Variants in GJA8 observed in about 807,000 individuals in gnomAD.
GJA8 encodes gap junction alpha-8 protein.
In GJA8, 13 loss-of-function variants were observed where a neutral mutation model predicts 15.3. The observed-to-expected ratio is 0.85, with a 90% CI of 0.55 to 1.35. GJA8 has a LOEUF of 1.35. Ranked by LOEUF, GJA8 falls within the 40% of genes most tolerant of loss-of-function variation. The pLI is 0.00. For synonymous variants in GJA8, 304 were observed against 238.7 expected (o/e 1.27, Z -2.52); for missense variants, 607 against 553.3 (o/e 1.10, Z -0.97).
At chr1:147,904,369 A>G (rs1264016696) in intron 1 of GJA8, among the ~76,000 whole-genome samples, 1 of 152,190 alleles carries the variant, frequency 6.6e-6, no homozygotes, top group Non-Finnish European at 1.5e-5. Flanking sequence ...ACAGCTTGTT[A>G]TGAGGACTGA....
At chr1:147,903,683 C>T (rs1447595583) in intron 1 of GJA8, among the ~76,000 whole-genome samples, 1 of 152,164 alleles carries the variant, frequency 6.6e-6, no homozygotes, top group Non-Finnish European at 1.5e-5. Flanking sequence ...GCCAAGTTCA[C>T]TGGTTCTCAG....
downstream of GJA8, among the ~76,000 whole-genome samples, chr1:147,909,430 C>T (rs143590654): frequency 3.9e-5 from 6 of 152,260 alleles, no homozygotes; most frequent in African/African-American, 1.2e-4. Context: ...CAGTCTTTCC[C>T]ACATCCAGCA....
rs1651896418 is a variant in GJA8 at position 147,908,318 on chromosome 1, C to T, written c.363C>T (p.Asn121=). The T allele has an allele frequency of 1.2e-6, 2 of 1,614,170 alleles. No individual in the cohort carries two copies. Among genetic ancestry groups the T allele is most frequent in the East Asian group, 2.2e-5 (1 of 44,882 alleles). The change falls in exon 2 of 2, where the codon AAC becomes AAT. Residue 121 remains asparagine, a synonymous_variant. Coordinates refer to ENST00000369235, the MANE Select transcript of GJA8 (RefSeq NM_005267.5). Reference sequence around the variant, plus strand: ...AGCTGGGCCAGCAGGCGGGGACTAACGGCGGCCCGGACCAGGGCAGCGTCA... The same window carrying T: ...AGCTGGGCCAGCAGGCGGGGACTAATGGCGGCCCGGACCAGGGCAGCGTCA... ...AEELGQQAGT[N]GGPDQGSVKK...
intron 1 of GJA8, among the ~76,000 whole-genome samples, 149 bp from the exon 2 acceptor site, chr1:147,907,796 G>A (rs1651856231): frequency 6.6e-6 from 1 of 152,156 alleles, no homozygotes. Context: ...GTCCTAGTCT[G>A]CACAAAGGAA....
chr1:147,907,248 G>A (rs1186983741), intron 1 of GJA8, among the ~76,000 whole-genome samples: 2 of 152,176 alleles, frequency 1.3e-5, no homozygotes, highest in Non-Finnish European at 2.9e-5. Context: ...TTCTCACTGT[G>A]TGCTGGGCTG....
downstream of GJA8, among the ~76,000 whole-genome samples, chr1:147,913,207 A>G (rs1652249089): frequency 6.6e-6 from 1 of 152,158 alleles, no homozygotes; most frequent in South Asian, 2.1e-4. Context: ...AAGCTCACTA[A>G]TTTGGAAATA....
Position 147,908,722 on chromosome 1 carries a change from C to G in GJA8, c.767C>G (p.Ala256Gly), listed in dbSNP as rs782360772. Residue 256 changes from alanine (A) to glycine (G), a missense_variant, in exon 2 of 2, where the codon GCT becomes GGT. By Grantham distance (60) the Ala-to-Gly change is moderately conservative. Transcript: ENST00000369235. Reference sequence around the variant, plus strand: ...CCTGAGAAATCCCTCCACTCCATTGCTGTCTCCTCCATCCAGAAAGCCAAG... The same window carrying G: ...CCTGAGAAATCCCTCCACTCCATTGGTGTCTCCTCCATCCAGAAAGCCAAG... ...EIPEKSLHSIAVSSIQKAKGY... is the reference protein window; with the variant it reads ...EIPEKSLHSIGVSSIQKAKGY... 9 of 1,614,020 alleles carry G rather than the reference C, an allele frequency of 5.6e-6. No individual in the cohort carries two copies. The South Asian group carries it at 8.8e-5, about 16-fold the overall frequency.
At chr1:147,907,314 A>G (rs1442730350) in intron 1 of GJA8, among the ~76,000 whole-genome samples, 3 of 152,246 alleles carry the variant, frequency 2.0e-5, no homozygotes, top group Non-Finnish European at 2.9e-5. Context: ...TCCTACCGTC[A>G]TGGAAATTAC....
At chr1:147,904,901 A>G (rs1651732010) in intron 1 of GJA8, among the ~76,000 whole-genome samples, 1 of 152,184 alleles carries the variant, frequency 6.6e-6, no homozygotes. Context: ...ATAGAAAGAC[A>G]TGGGCTTGTT....
chr1:147,909,582 G>T (rs1553243181), downstream of GJA8, among the ~76,000 whole-genome samples: 1 of 152,164 alleles, frequency 6.6e-6, no homozygotes, highest in Non-Finnish European at 1.5e-5. Flanking sequence ...CGGAATTGGG[G>T]TTGCCTCATA....
chr1:147,909,774 A>C (rs1553243224), downstream of GJA8, among the ~76,000 whole-genome samples: 1 of 152,212 alleles, frequency 6.6e-6, no homozygotes, highest in East Asian at 1.9e-4. Context: ...GGGCTGTGAA[A>C]GTTGGAAAGC....
downstream of GJA8, among the ~76,000 whole-genome samples, chr1:147,914,198 C>T (rs1553243815): frequency 6.6e-6 from 1 of 152,160 alleles, no homozygotes. Flanking sequence ...GGAAGTTCTA[C>T]AGAGCAGACA....
chr1:147,909,677 T>C (rs1336669021), downstream of GJA8, among the ~76,000 whole-genome samples: 2 of 152,106 alleles, frequency 1.3e-5, no homozygotes, highest in Non-Finnish European at 2.9e-5. Context: ...TGACCATATT[T>C]CAGGGATCCA....
downstream of GJA8, among the ~76,000 whole-genome samples, chr1:147,910,052 G>A (rs55767115): frequency 0.011 from 1,747 of 152,136 alleles, 33 homozygotes; most frequent in African/African-American, 0.039. Flanking sequence ...TACAGATGGC[G>A]TTTCACCATG....
intron 1 of GJA8, among the ~76,000 whole-genome samples, chr1:147,906,113 T>C (rs2149014240): frequency 6.6e-6 from 1 of 152,376 alleles, no homozygotes; most frequent in South Asian, 2.1e-4. Context: ...GGCTTTTGTG[T>C]TTAACAAATA....
At chr1:147,911,510 G>C (rs147928765), downstream of GJA8, among the ~76,000 whole-genome samples, 3,406 of 152,288 alleles carry the variant, frequency 0.022, 56 homozygotes, top group Non-Finnish European at 0.036. Flanking sequence ...ACCTTCAGTG[G>C]AGGGATGTTG....
At position 147,908,632 on chromosome 1, in the gene GJA8, A is replaced by C; in HGVS notation, c.677A>C (p.His226Pro). 9 of 1,614,066 alleles carry C rather than the reference A, an allele frequency of 5.6e-6. No homozygotes were observed. The highest frequency in any genetic ancestry group is 7.6e-6 in the Non-Finnish European group (9 of 1,180,012). ...SLFLNVMELG[H>P]LGLKGIRSAL... ...TTCCTCAACGTGATGGAGTTGGGCC[A>C]CCTGGGCCTGAAGGGGATCCGGTCT... Residue 226 changes from histidine to proline, a missense_variant, in exon 2 of 2, where the codon CAC (histidine) becomes CCC (proline). His to Pro is a moderately conservative substitution (Grantham distance 77). Coordinates refer to ENST00000369235, the MANE Select transcript of GJA8 (RefSeq NM_005267.5).
chr1:147,906,509 G>A (rs1651804497), intron 1 of GJA8, among the ~76,000 whole-genome samples: 1 of 152,190 alleles, frequency 6.6e-6, no homozygotes, highest in African/African-American at 2.4e-5. Context: ...ACAGCCATAT[G>A]TTACAGACCC....
Position 147,908,368 on chromosome 1 carries a change from C to T in GJA8, c.413C>T (p.Thr138Ile). Residue 138 changes from threonine (T) to isoleucine (I), a missense_variant, in exon 2 of 2, where the codon ACT becomes ATT. By Grantham distance (89) the Thr-to-Ile change is moderately conservative (BLOSUM62 -1). Transcript: ENST00000369235. The stretch of plus-strand genomic sequence containing the variant: ...AAGAAGAGCAGCGGCAGCAAAGGCA[C>T]TAAGAAGTTCCGGCTGGAGGGGACC... ...SVKKSSGSKG[T>I]KKFRLEGTLL... 6.2e-7 allele frequency: 1 copy of T among 1,614,206 alleles called. No homozygotes were observed. Among genetic ancestry groups the T allele is most frequent in the East Asian group, 2.2e-5 (1 of 44,882 alleles).
Sources: gnomAD v4.1 joint callset for allele counts (sites outside exome capture counted in the v4.1 genomes callset) on GRCh38, gnomAD v4.1.1 for gene constraint, MANE v1.5 for transcripts, NCBI Gene and HGNC (gene_info 2026-07-23, HGNC 2026-07-21) for gene names.